The following PDIA5 variants were observed in gnomAD, a reference collection of about 807,000 sequenced individuals.
The protein encoded by PDIA5 is protein disulfide-isomerase A5.
Under a neutral mutation model 77.6 loss-of-function variants are expected in PDIA5, and 58 were observed. The ratio of observed to expected loss-of-function variants is 0.75; its 90% CI spans 0.61 to 0.93. The LOEUF is 0.93. PDIA5 is among the 40% of genes least tolerant of loss of function. The pLI is 0.00. For missense variants in PDIA5, 630 were observed against 647.7 expected (o/e 0.97, Z 0.30); for synonymous variants, 250 against 252.1 (o/e 0.99, Z 0.08).
intron 8 of PDIA5, among the ~76,000 whole-genome samples, chr3:123,117,861 A>G (rs1228794959): frequency 6.6e-6 from 1 of 152,136 alleles, no homozygotes; most frequent in Non-Finnish European, 1.5e-5. Flanking sequence ...TACCCCGAGT[A>G]GCAGAAGTGT....
At chr3:123,094,922 G>A (rs1159432452) in intron 3 of PDIA5, among the ~76,000 whole-genome samples, 1 of 152,216 alleles carries the variant, frequency 6.6e-6, no homozygotes, top group East Asian at 1.9e-4. Context: ...GAGTGCACAG[G>A]CCACCCTGCT....
chr3:123,150,869 G>A (rs796338195), intron 14 of PDIA5, among the ~76,000 whole-genome samples: 9 of 152,188 alleles, frequency 5.9e-5, no homozygotes, highest in African/African-American at 1.4e-4. Context: ...GAAGTGACAC[G>A]TCTGCCGACA....
chr3:123,089,135 G>A (rs1353108537), intron 1 of PDIA5, 33 bp from the exon 2 acceptor site: 1 of 1,602,734 alleles, frequency 6.2e-7, no homozygotes, highest in Non-Finnish European at 8.5e-7. Context: ...GCCAGAAGCT[G>A]GAACTCACAG....
At chr3:123,133,992 T>TCTTTTC (rs1935432311) in intron 11 of PDIA5, among the ~76,000 whole-genome samples, 4 of 134,936 alleles carry the variant, frequency 3.0e-5, no homozygotes, top group Non-Finnish European at 5.0e-5. Flanking sequence ...CTTTTCCTTT[T>TCTTTTC]CTTTTCTTTT....
intron 11 of PDIA5, among the ~76,000 whole-genome samples, chr3:123,143,355 C>G (rs1352131884): frequency 6.7e-6 from 1 of 149,356 alleles, no homozygotes; most frequent in African/African-American, 2.5e-5. Context: ...CCACTGTACT[C>G]CAGCCTGGGT....
chr3:123,086,259 A>T (rs149261681), intron 1 of PDIA5, among the ~76,000 whole-genome samples: 414 of 152,334 alleles, frequency 2.7e-3, no homozygotes, highest in African/African-American at 9.4e-3. Context: ...ACGTTCAATA[A>T]ATTATCCCAT....
intron 5 of PDIA5, among the ~76,000 whole-genome samples, chr3:123,104,992 G>T (rs1934692456): frequency 6.6e-6 from 1 of 152,198 alleles, no homozygotes; most frequent in South Asian, 2.1e-4. Context: ...GAAAAACAAG[G>T]TTGTGTGTAC....
intron 13 of PDIA5, among the ~76,000 whole-genome samples, chr3:123,149,754 C>T (rs1935846472): frequency 6.6e-6 from 1 of 152,186 alleles, no homozygotes; most frequent in Non-Finnish European, 1.5e-5. Flanking sequence ...TAGTAACTTA[C>T]CTAAGGTTGC....
intron 12 of PDIA5, 147 bp downstream of exon 12, chr3:123,145,739 TTAGACAGA>T: frequency 1.5e-6 from 1 of 656,390 alleles, no homozygotes; most frequent in Non-Finnish European, 2.7e-6. Flanking sequence ...GTAGAACATC[TTAGACAGA>T]TGGGATCCTA....
chr3:123,127,562 A>G (rs1422958608), intron 10 of PDIA5, among the ~76,000 whole-genome samples: 1 of 152,082 alleles, frequency 6.6e-6, no homozygotes, highest in Non-Finnish European at 1.5e-5. Flanking sequence ...TAGTGGAGGA[A>G]ACAGGACTCA....
At chr3:123,154,383 T>C (rs1486981122) in intron 14 of PDIA5, among the ~76,000 whole-genome samples, 1 of 152,086 alleles carries the variant, frequency 6.6e-6, no homozygotes, top group Non-Finnish European at 1.5e-5. Flanking sequence ...CTGGTTATTG[T>C]AGAGCAAAGA....
chr3:123,091,807 C>T (rs1934291878), intron 2 of PDIA5, among the ~76,000 whole-genome samples: 1 of 152,166 alleles, frequency 6.6e-6, no homozygotes, highest in Admixed American at 6.5e-5. Context: ...CCTAGTGTCA[C>T]TTATAGACCT....
chr3:123,119,136 A>G lies in PDIA5; in HGVS notation c.609+2838A>G, dbSNP rs145169130. Among the ~76,000 whole-genome samples the G allele has an allele frequency of 4.2e-3, 647 of 152,302 alleles. 5 individuals are homozygous for G. Among genetic ancestry groups the G allele is most frequent in the African/African-American group, 0.015 (616 of 41,568 alleles). On this transcript the variant is annotated intron_variant, in intron 8 of 16. Coordinates refer to ENST00000316218, the MANE Select transcript of PDIA5 (RefSeq NM_006810.4). Reference sequence around the variant, plus strand: ...GTGCAATGGCATACACCTGTAGTCAATGCTAGCTACTTGGGAGGCTGAGGT... The same window carrying G: ...GTGCAATGGCATACACCTGTAGTCAGTGCTAGCTACTTGGGAGGCTGAGGT...
chr3:123,074,409 G>A (rs907327346), intron 1 of PDIA5, among the ~76,000 whole-genome samples: 1 of 152,060 alleles, frequency 6.6e-6, no homozygotes, highest in African/African-American at 2.4e-5. Flanking sequence ...AGAACCTCTG[G>A]GTCTTTCTTA....
intron 15 of PDIA5, among the ~76,000 whole-genome samples, chr3:123,157,272 T>C (rs1430146939): frequency 6.6e-6 from 1 of 152,226 alleles, no homozygotes; most frequent in African/African-American, 2.4e-5. Context: ...GGGCTGAACT[T>C]ACTGGTGCCC....
At chr3:123,092,119 A>C (rs935756225) in intron 2 of PDIA5, among the ~76,000 whole-genome samples, 3 of 152,198 alleles carry the variant, frequency 2.0e-5, no homozygotes, top group Non-Finnish European at 4.4e-5. Flanking sequence ...TTCTGTGTCC[A>C]AGAGGAAGGC....
At chr3:123,107,346 A>G (rs959052895) in intron 6 of PDIA5, among the ~76,000 whole-genome samples, 1 of 152,110 alleles carries the variant, frequency 6.6e-6, no homozygotes, top group African/African-American at 2.4e-5. Context: ...GGGTGGAGGT[A>G]GAAGGGTAGA....
intron 14 of PDIA5, 125 bp from the exon 15 acceptor site, chr3:123,154,846 C>T: frequency 1.4e-6 from 1 of 715,880 alleles, no homozygotes; most frequent in Non-Finnish European, 2.5e-6. Context: ...AGGACCCTGA[C>T]AGTGTGGCGG....
chr3:123,130,754 G>GGGACCTCGCCTGTCACCAC, intron 11 of PDIA5, 138 bp downstream of exon 11: 1 of 950,028 alleles, frequency 1.1e-6, no homozygotes, highest in Non-Finnish European at 1.6e-6. Context: ...GGATGCAGTG[G>GGGACCTCGCCTGTCACCAC]TGACAGGCGA....
Sources: gnomAD v4.1 joint callset for allele counts (sites outside exome capture counted in the v4.1 genomes callset) on GRCh38, gnomAD v4.1.1 for gene constraint, MANE v1.5 for transcripts, NCBI Gene and HGNC (gene_info 2026-07-23, HGNC 2026-07-21) for gene names.